Variants in NAV1 observed in about 807,000 individuals in gnomAD.
NAV1 encodes neuron navigator 1, also known as pore membrane and/or filament interacting like protein 3.
In NAV1, 18 loss-of-function variants were observed where a neutral mutation model predicts 175.2. The ratio of observed to expected loss-of-function variants is 0.10; its 90% confidence interval spans 0.07 to 0.15. The LOEUF is 0.15. Among genes scored for constraint, NAV1 ranks in the 10% least tolerant of loss-of-function variants. NAV1 has a pLI of 1.00. For missense variants in NAV1, 1,731 were observed against 2,436.6 expected, an observed-to-expected ratio of 0.71 and a Z score of 6.10; for synonymous variants, 897 against 978.7, an observed-to-expected ratio of 0.92 and a Z score of 1.56.
In NAV1 at chr1:201,739,868, G is replaced by C. The variant is rs1673288249; in HGVS notation, c.1226+21113G>C. On this transcript the variant is annotated intron_variant, in intron 3 of 29. Transcript: ENST00000367296. ...CCGTAAGTACAAGCCCTGGTGGTGG[G>C]GAGAAAAGGGAGCGGAGGGCAGGCG... 4 of 1,283,912 alleles carry C rather than the reference G, an allele frequency of 3.1e-6. No individual in the cohort carries two copies. The African/African-American group carries it at 6.2e-5, about 20-fold the overall frequency. The allele number at this position is 1,283,912 out of a possible 1,614,324, so 79.5% of individuals were successfully genotyped here.
intron 3 of NAV1, among the ~76,000 whole-genome samples, chr1:201,744,231 C>T (rs1166832815): frequency 6.6e-6 from 1 of 152,174 alleles, no homozygotes; most frequent in African/African-American, 2.4e-5. Flanking sequence ...ACCTTTCCTC[C>T]CTGACAACTT....
chr1:201,623,298 A>G, exon 1 of NAV1: 1 of 985,978 alleles, frequency 1.0e-6, no homozygotes, highest in Non-Finnish European at 1.2e-6. Flanking sequence ...AAGGGACTCC[A>G]GTCTGCCAGA....
chr1:201,706,927 G>C (rs1671695475), intron 1 of NAV1, among the ~76,000 whole-genome samples: 1 of 152,160 alleles, frequency 6.6e-6, no homozygotes, highest in Non-Finnish European at 1.5e-5. Context: ...ATTTTGGGGG[G>C]TTATTACCCT....
intron 1 of NAV1, among the ~76,000 whole-genome samples, chr1:201,626,622 AAG>A (rs1375500220): frequency 3.9e-5 from 6 of 152,148 alleles, no homozygotes; most frequent in Admixed American, 1.3e-4. Flanking sequence ...GCTATCCTGG[AAG>A]AGAGCCACAG....
At chr1:201,805,765 A>G (rs111587716) in intron 17 of NAV1, among the ~76,000 whole-genome samples, 39 of 152,086 alleles carry the variant, frequency 2.6e-4, no homozygotes, top group African/African-American at 9.4e-4. Context: ...TCTACTAAAA[A>G]TGCAACAATT....
intron 1 of NAV1, 77 bp from the exon 6 acceptor site, chr1:201,712,740 A>G (rs933333855): frequency 1.4e-5 from 14 of 995,382 alleles, no homozygotes; most frequent in Middle Eastern, 2.1e-4. Context: ...GACACTGTCA[A>G]TCTCCACTTC....
chr1:201,570,907 G>A (rs765627184), intron 1 of NAV1, among the ~76,000 whole-genome samples: 8 of 152,216 alleles, frequency 5.3e-5, no homozygotes, highest in Admixed American at 2.0e-4. Context: ...CTGCTCTGCC[G>A]CTGACCCTGG....
At chr1:201,659,958 A>G (rs368345615) in intron 1 of NAV1, among the ~76,000 whole-genome samples, 14 of 152,258 alleles carry the variant, frequency 9.2e-5, no homozygotes, top group African/African-American at 1.7e-4. Flanking sequence ...ATGTTTTGCC[A>G]TAGAGGATCT....
chr1:201,710,858 G>A (rs559275211), intron 1 of NAV1, among the ~76,000 whole-genome samples: 8 of 152,278 alleles, frequency 5.3e-5, no homozygotes, highest in African/African-American at 1.9e-4. Context: ...AAGTCTCTGA[G>A]TAACTCTTGA....
At chr1:201,719,350 C>A (rs908118101) in intron 3 of NAV1, among the ~76,000 whole-genome samples, 3 of 152,060 alleles carry the variant, frequency 2.0e-5, no homozygotes, top group Non-Finnish European at 2.9e-5. Flanking sequence ...CCTTGGGTTT[C>A]TTCCTGTGCA....
At chr1:201,758,521 G>A (rs1315653404) in intron 3 of NAV1, among the ~76,000 whole-genome samples, 1 of 152,132 alleles carries the variant, frequency 6.6e-6, no homozygotes, top group Non-Finnish European at 1.5e-5. Context: ...TTGAGGTCTA[G>A]GAACTAACCT....
chr1:201,702,725 TCTCTCTCCCCATTCTGA>T (rs1671488121), intron 1 of NAV1, among the ~76,000 whole-genome samples: 1 of 136,926 alleles, frequency 7.3e-6, no homozygotes, highest in African/African-American at 2.5e-5. Context: ...TCTCTCTCTC[TCTCTCTCCCCATTCTGA>T]CTAGTGGCGA....
intron 13 of NAV1, chr1:201,793,050 C>T (rs1193809342): frequency 6.6e-6 from 1 of 152,328 alleles, no homozygotes; most frequent in African/African-American, 2.4e-5. Context: ...GGCCTCATTC[C>T]CTTTACCTTG....
intron 16 of NAV1, 79 bp downstream of exon 20, chr1:201,803,793 T>C: frequency 6.5e-7 from 1 of 1,535,832 alleles, no homozygotes; most frequent in Non-Finnish European, 8.8e-7. Context: ...ATCGAATCCT[T>C]CCAGGATTAA....
chr1:201,651,122 CGTGTGTGTGTGTGT>C (rs60462710), intron 1 of NAV1, among the ~76,000 whole-genome samples: 181 of 129,158 alleles, frequency 1.4e-3, no homozygotes, highest in African/African-American at 4.9e-3. Flanking sequence ...AGGAAGGGAC[CGTGTGTGTGTGTGT>C]GTGTGTGTGT....
chr1:201,651,388 G>A lies in NAV1; in HGVS notation c.757+1963G>A, dbSNP rs1669200090. On this transcript the variant is annotated intron_variant, in intron 1 of 29. Coordinates refer to ENST00000367296, the Ensembl canonical transcript of NAV1. ...GAGCCAAACAGGTCTGAGCTGGCTA[G>A]GGAGATGGGAGGAGGGGCAGGAGTG... Among the ~76,000 whole-genome samples, 3 of 152,058 alleles carry A rather than the reference G, an allele frequency of 2.0e-5. 1 individual carries two copies. The South Asian group carries it at 6.2e-4, about 32-fold the overall frequency.
intron 3 of NAV1, among the ~76,000 whole-genome samples, chr1:201,749,496 C>T (rs998707692): frequency 6.6e-6 from 1 of 152,224 alleles, no homozygotes; most frequent in African/African-American, 2.4e-5. Context: ...GCACAGGTTG[C>T]CAACAGGCTG....
At chr1:201,545,468 G>T (rs1036890393) in intron 1 of NAV1, among the ~76,000 whole-genome samples, 1 of 151,336 alleles carries the variant, frequency 6.6e-6, no homozygotes, top group African/African-American at 2.4e-5. Flanking sequence ...CCAGATACAT[G>T]TTGGCCAGGC....
intron 1 of NAV1, among the ~76,000 whole-genome samples, chr1:201,580,702 G>A (rs1666829538): frequency 6.6e-6 from 1 of 151,884 alleles, no homozygotes; most frequent in Admixed American, 6.6e-5. Flanking sequence ...AACCCAGGAA[G>A]CAGAGATTGC....
Sources: allele counts gnomAD v4.1 joint callset (sites outside exome capture counted in the v4.1 genomes callset), GRCh38; gene constraint gnomAD v4.1.1; transcripts MANE v1.5; gene names NCBI Gene and HGNC (gene_info 2026-07-23, HGNC 2026-07-21).